Variants in CNTN3 observed in about 807,000 individuals in gnomAD.
CNTN3 encodes contactin-3.
CNTN3 carries 60 observed loss-of-function variants against 119.1 expected under a neutral mutation model. The observed-to-expected ratio is 0.50, with a 90% CI of 0.41 to 0.62. CNTN3 has a LOEUF of 0.62. Among genes scored for constraint, CNTN3 ranks in the 20% least tolerant of loss-of-function variants. The pLI, the probability that CNTN3 is intolerant of heterozygous loss-of-function variation, is 0.00. For missense variants in CNTN3, 1,101 were observed against 1,242.4 expected (o/e 0.89, Z 1.71); for synonymous variants, 450 against 438.7 (o/e 1.03, Z -0.32).
intron 19 of CNTN3, among the ~76,000 whole-genome samples, chr3:74,294,454 C>G (rs376962897): frequency 6.6e-6 from 1 of 152,154 alleles, no homozygotes; most frequent in South Asian, 2.1e-4. Flanking sequence ...TTCTATCATG[C>G]CTTGCCTAAT....
chr3:74,498,859 T>C (rs1703111390), intron 3 of CNTN3, among the ~76,000 whole-genome samples: 1 of 151,848 alleles, frequency 6.6e-6, no homozygotes, highest in South Asian at 2.1e-4. Context: ...TCTTGAATAC[T>C]TTCTTTCAAC....
At chr3:74,399,917 T>C in intron 5 of CNTN3, among the ~76,000 whole-genome samples, 1 of 152,182 alleles carries the variant, frequency 6.6e-6, no homozygotes, top group East Asian at 1.9e-4. Context: ...TTGCGCTTCC[T>C]AGACTATGAG....
At chr3:74,479,258 AATAAAATTCGACCC>A (rs887821069) in intron 4 of CNTN3, among the ~76,000 whole-genome samples, 8 of 148,730 alleles carry the variant, frequency 5.4e-5, no homozygotes, top group African/African-American at 1.0e-4. Context: ...CAAGATGTGA[AATAAAATTCGACCC>A]ATAACAAATC....
intron 10 of CNTN3, among the ~76,000 whole-genome samples, 173 bp downstream of exon 10, chr3:74,364,294 C>T (rs1704140513): frequency 6.6e-6 from 1 of 151,944 alleles, no homozygotes; most frequent in South Asian, 2.1e-4. Context: ...GCTGTTTTTC[C>T]TTAGAAACTG....
intron 13 of CNTN3, among the ~76,000 whole-genome samples, chr3:74,313,158 A>G (rs936986734): frequency 2.4e-4 from 36 of 152,206 alleles, no homozygotes; most frequent in Admixed American, 2.4e-3. Context: ...AAAAAACAGA[A>G]CAGAATATGC....
At chr3:74,441,822 G>A (rs923799550) in intron 4 of CNTN3, among the ~76,000 whole-genome samples, 5 of 151,948 alleles carry the variant, frequency 3.3e-5, no homozygotes, top group Non-Finnish European at 7.4e-5. Flanking sequence ...GTATAAAATC[G>A]CTGCCTATAA....
intron 1 of CNTN3, among the ~76,000 whole-genome samples, chr3:74,554,820 G>T (rs1019998961): frequency 1.3e-5 from 2 of 152,194 alleles, no homozygotes; most frequent in African/African-American, 2.4e-5. Flanking sequence ...GGGCTGAGAC[G>T]ATGGGGTTTT....
chr3:74,442,718 T>G (rs1025312286), intron 4 of CNTN3, among the ~76,000 whole-genome samples: 1 of 152,198 alleles, frequency 6.6e-6, no homozygotes, highest in Admixed American at 6.5e-5. Context: ...ACTATAATAA[T>G]AGCTCACATT....
At position 74,410,696 on chromosome 3, in the gene CNTN3, C is replaced by T. The variant is rs377291166; in HGVS notation, c.454+14149G>A. 1.4e-4 allele frequency among the ~76,000 whole-genome samples: 21 copies of T among 152,160 alleles called. No homozygotes were observed. The South Asian group carries it at 2.9e-3, about 21-fold the overall frequency. ...AGAGTTGAAAACACACTATGGTTAC[C>T]GTAAGCCTGCCAGAATGGGTCCCCT... On this transcript the variant is annotated intron_variant, in intron 5 of 22. Transcript: ENST00000263665.
intron 5 of CNTN3, among the ~76,000 whole-genome samples, chr3:74,381,011 T>C (rs1344786012): frequency 6.6e-6 from 1 of 151,870 alleles, no homozygotes; most frequent in Non-Finnish European, 1.5e-5. Flanking sequence ...AGGGTCTTCT[T>C]ACCAGGGACA....
intron 5 of CNTN3, among the ~76,000 whole-genome samples, chr3:74,392,409 T>A (rs564461452): frequency 1.3e-5 from 2 of 152,202 alleles, no homozygotes; most frequent in African/African-American, 2.4e-5. Flanking sequence ...CCACCCTGCT[T>A]CTTCTTTTTC....
At chr3:74,287,131 C>G (rs902126695) in intron 19 of CNTN3, among the ~76,000 whole-genome samples, 7 of 152,184 alleles carry the variant, frequency 4.6e-5, no homozygotes, top group African/African-American at 1.7e-4. Flanking sequence ...GTATTCAAGT[C>G]TCAATACTGT....
chr3:74,341,478 G>A (rs925216648), intron 11 of CNTN3, among the ~76,000 whole-genome samples: 1 of 152,122 alleles, frequency 6.6e-6, no homozygotes, highest in African/African-American at 2.4e-5. Context: ...AGTTTGCTTA[G>A]GGAAATGTGC....
chr3:74,310,751 T>G (rs1032381266), intron 13 of CNTN3, among the ~76,000 whole-genome samples: 5 of 152,200 alleles, frequency 3.3e-5, no homozygotes, highest in Non-Finnish European at 7.3e-5. Flanking sequence ...GGGATAGATT[T>G]TACTACTTGG....
chr3:74,576,902 A>G (rs965810651), intron 1 of CNTN3, among the ~76,000 whole-genome samples: 6 of 152,120 alleles, frequency 3.9e-5, no homozygotes, highest in Non-Finnish European at 8.8e-5. Context: ...TTAAAAGCTT[A>G]TTTTACTACT....
In CNTN3 at chr3:74,569,713, C is replaced by A. The variant is rs10212428; in HGVS notation, c.-81+44678G>T. Among the ~76,000 whole-genome samples, 1,146 of 152,242 alleles carry A rather than the reference C, an allele frequency of 7.5e-3. 12 individuals are homozygous for A. Among genetic ancestry groups the A allele is most frequent in the African/African-American group, 0.026 (1,085 of 41,556 alleles). On this transcript the variant is annotated intron_variant, in intron 1 of 22. Transcript: ENST00000263665. ...GTTTAAACAGCACACTATTTTCACACGGTTTGCATGAGTCAAGGGTCTGAG... is the reference window on the plus strand; with the variant it reads ...GTTTAAACAGCACACTATTTTCACAAGGTTTGCATGAGTCAAGGGTCTGAG...
intron 13 of CNTN3, among the ~76,000 whole-genome samples, chr3:74,330,448 G>A (rs1703236391): frequency 6.6e-6 from 1 of 152,042 alleles, no homozygotes; most frequent in African/African-American, 2.4e-5. Context: ...TGATGATGCT[G>A]AGGTAAACAA....
chr3:74,537,037 G>C lies in CNTN3; in HGVS notation c.-80-15845C>G, dbSNP rs1425543787. On this transcript the variant is annotated intron_variant, in intron 1 of 22. Transcript: ENST00000263665. ...ACAGCTGGCCTAACAAAACTTGCCT[G>C]TAGACAAGATGTGTCCTGAGACCAG... Among the ~76,000 whole-genome samples the C allele has an allele frequency of 8.6e-5, 13 of 151,808 alleles. No homozygotes were observed. The East Asian group carries it at 1.6e-3, about 18-fold the overall frequency.
At chr3:74,594,072 G>T (rs1704748491) in intron 1 of CNTN3, among the ~76,000 whole-genome samples, 1 of 151,794 alleles carries the variant, frequency 6.6e-6, no homozygotes, top group East Asian at 2.0e-4. Context: ...TACATACCCA[G>T]TAAGAGATGG....
Sources: gnomAD v4.1 joint callset for allele counts (sites outside exome capture counted in the v4.1 genomes callset) on GRCh38, gnomAD v4.1.1 for gene constraint, MANE v1.5 for transcripts, NCBI Gene and HGNC (gene_info 2026-07-23, HGNC 2026-07-21) for gene names.